The following TMC1 variants were observed in gnomAD, a reference collection of about 807,000 sequenced individuals.
TMC1 encodes the protein transmembrane channel like 1.
Under a neutral mutation model 105.8 loss-of-function variants are expected in TMC1, and 84 were observed. The observed-to-expected ratio is 0.79, with a 90% CI of 0.67 to 0.95. The LOEUF is 0.95. TMC1 is among the 40% of genes least tolerant of loss of function. The probability of loss-of-function intolerance (pLI) is 0.00; values close to 1 mark genes in which losing one functional copy is unlikely to be tolerated. For missense variants in TMC1, 817 were observed against 914.1 expected (o/e 0.89, Z 1.37); for synonymous variants, 315 against 311.5 (o/e 1.01, Z -0.12).
intron 4 of TMC1, among the ~76,000 whole-genome samples, chr9:72,640,296 G>C (rs1433176057): frequency 6.6e-6 from 1 of 152,162 alleles, no homozygotes; most frequent in African/African-American, 2.4e-5. Context: ...GCACTCAAAA[G>C]TATGTGATGT....
intron 1 of TMC1, among the ~76,000 whole-genome samples, chr9:72,549,908 G>C (rs750278176): frequency 3.3e-5 from 5 of 151,486 alleles, no homozygotes; most frequent in Non-Finnish European, 7.4e-5. Context: ...CACCGAGCCC[G>C]GCCTAATTTT....
chr9:72,565,843 A>G (rs1288554881), intron 1 of TMC1, among the ~76,000 whole-genome samples: 2 of 152,296 alleles, frequency 1.3e-5, no homozygotes, highest in African/African-American at 2.4e-5. Context: ...CAAGGACAGC[A>G]TGGGAAAAAC....
At chr9:72,787,112 C>T (rs899697797) in intron 13 of TMC1, among the ~76,000 whole-genome samples, 2 of 151,778 alleles carry the variant, frequency 1.3e-5, no homozygotes, top group African/African-American at 4.8e-5. Context: ...GAGCCCTTGA[C>T]TTATCTCTGT....
intron 8 of TMC1, among the ~76,000 whole-genome samples, chr9:72,725,325 G>GTGTATATATATATATATATA (rs1346287163): frequency 1.3e-5 from 1 of 77,684 alleles, no homozygotes; most frequent in Non-Finnish European, 2.8e-5. Flanking sequence ...ATGTGTGTAT[G>GTGTATATATATATATATATA]TATATATATA....
At chr9:72,676,221 C>T (rs1040774537) in intron 5 of TMC1, among the ~76,000 whole-genome samples, 2 of 152,086 alleles carry the variant, frequency 1.3e-5, no homozygotes, top group African/African-American at 4.8e-5. Context: ...ATATTTTATG[C>T]CTAGTCTTTA....
intron 12 of TMC1, among the ~76,000 whole-genome samples, chr9:72,758,802 A>G (rs1346782978): frequency 1.3e-5 from 2 of 152,186 alleles, no homozygotes; most frequent in Non-Finnish European, 2.9e-5. Context: ...TTTTGTTTTT[A>G]TTATCATTTT....
intron 23 of TMC1, 24 bp from the exon 24 acceptor site, chr9:72,835,927 T>G: frequency 6.5e-7 from 1 of 1,540,106 alleles, no homozygotes. Context: ...TTTTTTTTTT[T>G]TTTTTTTTCT....
intron 8 of TMC1, 190 bp downstream of exon 8, chr9:72,700,833 C>A (rs1826634262): frequency 4.6e-6 from 1 of 217,972 alleles, no homozygotes; most frequent in Non-Finnish European, 9.1e-6. Context: ...ATATATGACT[C>A]ATTATATATA....
chr9:72,627,898 A>ATTT, intron 3 of TMC1, 23 bp from the exon 4 acceptor site: 1 of 343,314 alleles, frequency 2.9e-6, no homozygotes, highest in Non-Finnish European at 5.7e-6. Context: ...TCTGTATTGG[A>ATTT]TTTTTTTTTT....
chr9:72,799,328 G>A (rs1228223470), intron 17 of TMC1, among the ~76,000 whole-genome samples: 1 of 151,810 alleles, frequency 6.6e-6, no homozygotes, highest in Non-Finnish European at 1.5e-5. Flanking sequence ...GCATTATTTG[G>A]TAAGATAACA....
intron 2 of TMC1, among the ~76,000 whole-genome samples, chr9:72,614,412 T>C (rs1202029802): frequency 6.6e-6 from 1 of 152,198 alleles, no homozygotes. Flanking sequence ...TTAAATGGAT[T>C]TAATTGCTGT....
At chr9:72,588,409 A>G (rs1269027196) in intron 2 of TMC1, among the ~76,000 whole-genome samples, 1 of 152,208 alleles carries the variant, frequency 6.6e-6, no homozygotes, top group Non-Finnish European at 1.5e-5. Flanking sequence ...GCTGGGGGCT[A>G]TAATCATCTG....
chr9:72,688,314 T>C (rs1464703817), intron 5 of TMC1, among the ~76,000 whole-genome samples: 1 of 152,176 alleles, frequency 6.6e-6, no homozygotes, highest in Non-Finnish European at 1.5e-5. Context: ...ATTAACCTAA[T>C]TGGTATGGGC....
intron 13 of TMC1, among the ~76,000 whole-genome samples, chr9:72,774,338 A>G (rs1373705889): frequency 6.6e-6 from 1 of 152,212 alleles, no homozygotes; most frequent in Admixed American, 6.5e-5. Context: ...ATTTGCTTTA[A>G]CTCAATATAT....
chr9:72,660,996 C>G (rs1825961968), intron 5 of TMC1, among the ~76,000 whole-genome samples: 1 of 151,978 alleles, frequency 6.6e-6, no homozygotes, highest in Non-Finnish European at 1.5e-5. Context: ...CAGAAAAATA[C>G]AAAAAATTAG....
At chr9:72,667,640 C>A (rs1826064687) in intron 5 of TMC1, among the ~76,000 whole-genome samples, 1 of 152,164 alleles carries the variant, frequency 6.6e-6, no homozygotes, top group African/African-American at 2.4e-5. Context: ...ACACACGCAC[C>A]AGTTGGGTTT....
intron 5 of TMC1, among the ~76,000 whole-genome samples, chr9:72,678,775 T>C (rs1826244432): frequency 6.6e-6 from 1 of 152,086 alleles, no homozygotes; most frequent in Admixed American, 6.6e-5. Context: ...TTCACTTTGA[T>C]GTTCTTCAGA....
Position 72,835,935 on chromosome 9 carries a change from T to TTTA in TMC1, c.2261-16_2261-15insTTA. 6.5e-7 allele frequency: 1 copy of TTTA among 1,545,868 alleles called. No individual in the cohort carries two copies. Among genetic ancestry groups the TTTA allele is most frequent in the Non-Finnish European group, 8.7e-7 (1 of 1,150,144 alleles). On this transcript the variant is annotated splice_polypyrimidine_tract_variant and intron_variant, in intron 23 of 23. Coordinates refer to ENST00000297784, the MANE Select transcript of TMC1 (RefSeq NM_138691.3). ...TCCTTGTTTTTTTTTTTTTTTTTTT[T>TTTA]CTGTTTTGTGAACAGCTGCAGCTGC...
intron 4 of TMC1, among the ~76,000 whole-genome samples, chr9:72,632,994 A>T (rs943847314): frequency 6.6e-6 from 1 of 151,566 alleles, no homozygotes; most frequent in African/African-American, 2.4e-5. Context: ...TCTCTAACAT[A>T]GACACTATTC....
Sources: gnomAD v4.1 joint callset for allele counts (sites outside exome capture counted in the v4.1 genomes callset) on GRCh38, gnomAD v4.1.1 for gene constraint, MANE v1.5 for transcripts, NCBI Gene and HGNC (gene_info 2026-07-23, HGNC 2026-07-21) for gene names.